CCDC7: variants seen among roughly 807,000 people sequenced by gnomAD.
CCDC7 encodes coiled-coil domain-containing protein 7.
Under a neutral mutation model 196.9 loss-of-function variants are expected in CCDC7, and 183 were observed. That is an observed-to-expected ratio of 0.93 (90% CI 0.82 to 1.05). The LOEUF (loss-of-function observed/expected upper bound fraction) is 1.05. CCDC7 is among the 50% of genes least tolerant of loss of function. The pLI is 0.00. For missense variants in CCDC7, 1,540 were observed against 1,482.2 expected (o/e 1.04, Z -0.64); for synonymous variants, 525 against 484.6 (o/e 1.08, Z -1.10).
At chr10:32,622,767 C>T (rs528524469) in intron 18 of CCDC7, among the ~76,000 whole-genome samples, 1 of 152,152 alleles carries the variant, frequency 6.6e-6, no homozygotes, top group South Asian at 2.1e-4. Flanking sequence ...GGGAAAAACA[C>T]CTCCAGTTGA....
chr10:32,840,686 G>A (rs1301653529), intron 33 of CCDC7, among the ~76,000 whole-genome samples: 3 of 151,646 alleles, frequency 2.0e-5, no homozygotes, highest in South Asian at 4.2e-4. Context: ...CAAAACCAGG[G>A]AAGGACATAA....
rs553870034 is a variant in CCDC7, at chr10:32,796,146, A to G, written c.3014-8869A>G. 2.1e-4 allele frequency among the ~76,000 whole-genome samples: 32 copies of G among 151,692 alleles called. No individual in the cohort carries two copies. In the South Asian group the frequency reaches 4.0e-3, roughly 19 times the overall value. The stretch of plus-strand genomic sequence containing the variant: ...CTTCCCAGGGATTGAGGCAGGGACA[A>G]GTCGCTGTCTGCTTTGAGTTTTTGT... On this transcript the variant is annotated intron_variant, in intron 29 of 41. Coordinates refer to ENST00000639629, the Ensembl canonical transcript of CCDC7.
At chr10:32,539,920 A>G (rs950339927) in intron 11 of CCDC7, among the ~76,000 whole-genome samples, 9 of 151,924 alleles carry the variant, frequency 5.9e-5, no homozygotes, top group Non-Finnish European at 1.3e-4. Context: ...GCTAAGGATT[A>G]TTTTATTGCC....
intron 20 of CCDC7, among the ~76,000 whole-genome samples, chr10:32,648,167 A>G (rs943330583): frequency 1.3e-5 from 2 of 152,080 alleles, no homozygotes; most frequent in Admixed American, 6.5e-5. Context: ...TGAGTTTTCT[A>G]TTCTATTTTA....
intron 25 of CCDC7, among the ~76,000 whole-genome samples, chr10:32,717,400 A>G (rs1487160670): frequency 1.3e-5 from 2 of 152,330 alleles, no homozygotes; most frequent in East Asian, 3.9e-4. Context: ...AGATAAATTT[A>G]TAGCACTAAA....
intron 24 of CCDC7, among the ~76,000 whole-genome samples, chr10:32,700,275 C>G (rs1051097033): frequency 6.7e-6 from 1 of 149,480 alleles, no homozygotes; most frequent in East Asian, 1.9e-4. Context: ...CTCCATATGG[C>G]TAGCCAGTTT....
At chr10:32,591,347 T>C (rs2059764654) in intron 18 of CCDC7, among the ~76,000 whole-genome samples, 1 of 152,084 alleles carries the variant, frequency 6.6e-6, no homozygotes, top group Non-Finnish European at 1.5e-5. Context: ...AGCATGTTTA[T>C]TGCATTTTTC....
intron 24 of CCDC7, among the ~76,000 whole-genome samples, chr10:32,711,322 A>G (rs2080804751): frequency 6.6e-6 from 1 of 152,126 alleles, no homozygotes; most frequent in South Asian, 2.1e-4. Context: ...GAACATATGC[A>G]TTTTCATTGT....
chr10:32,602,341 ACACT>A (rs2061139133), intron 18 of CCDC7, among the ~76,000 whole-genome samples: 1 of 152,208 alleles, frequency 6.6e-6, no homozygotes, highest in South Asian at 2.1e-4. Context: ...AAGAGCTGTA[ACACT>A]CACTGCGAGG....
At chr10:32,850,200 A>T (rs1281606976) in intron 39 of CCDC7, among the ~76,000 whole-genome samples, 1 of 152,174 alleles carries the variant, frequency 6.6e-6, no homozygotes, top group Non-Finnish European at 1.5e-5. Context: ...TCCTCTATCT[A>T]GCCTATCTTG....
At chr10:32,532,559 T>A (rs1434334829) in intron 11 of CCDC7, among the ~76,000 whole-genome samples, 1 of 152,140 alleles carries the variant, frequency 6.6e-6, no homozygotes, top group East Asian at 1.9e-4. Context: ...TTACATTTTG[T>A]GTGTTGTTTA....
chr10:32,689,654 C>A (rs1414175247), intron 23 of CCDC7, among the ~76,000 whole-genome samples: 3 of 152,104 alleles, frequency 2.0e-5, no homozygotes, highest in African/African-American at 7.2e-5. Context: ...TCTGGTAACC[C>A]CATAGATGAA....
intron 41 of CCDC7, among the ~76,000 whole-genome samples, chr10:32,869,148 A>C (rs1285634523): frequency 6.6e-6 from 1 of 152,046 alleles, no homozygotes; most frequent in African/African-American, 2.4e-5. Flanking sequence ...TGCCACACTG[A>C]CTTCCACAAT....
chr10:32,817,327 T>C (rs2088931674), intron 31 of CCDC7, among the ~76,000 whole-genome samples: 1 of 152,160 alleles, frequency 6.6e-6, no homozygotes. Flanking sequence ...TCAAGAAATA[T>C]GGGACTACAT....
At chr10:32,807,494 A>G (rs1030552292) in intron 30 of CCDC7, among the ~76,000 whole-genome samples, 1 of 152,132 alleles carries the variant, frequency 6.6e-6, no homozygotes, top group African/African-American at 2.4e-5. Context: ...ATTGATAATC[A>G]TATTTCAAAT....
intron 8 of CCDC7, 82 bp from the exon 10 acceptor site, chr10:32,491,840 T>C: frequency 7.6e-7 from 1 of 1,318,478 alleles, no homozygotes; most frequent in Non-Finnish European, 1.0e-6. Context: ...AGCTTTCACA[T>C]CTATAGCAGT....
chr10:32,511,369 T>C (rs2135358984), intron 9 of CCDC7: 1 of 1,608,832 alleles, frequency 6.2e-7, no homozygotes, highest in Non-Finnish European at 8.5e-7. Context: ...TCGGTTTTGG[T>C]TCCCAGAGGG....
At chr10:32,811,976 C>A (rs1455732741) in intron 30 of CCDC7, among the ~76,000 whole-genome samples, 1 of 151,980 alleles carries the variant, frequency 6.6e-6, no homozygotes, top group Non-Finnish European at 1.5e-5. Flanking sequence ...ATAATCACCT[C>A]AGTAGATGCA....
At chr10:32,719,898 G>A (rs748694497) in intron 25 of CCDC7, among the ~76,000 whole-genome samples, 1 of 152,180 alleles carries the variant, frequency 6.6e-6, no homozygotes, top group Non-Finnish European at 1.5e-5. Context: ...TGGAGAAATA[G>A]GAATGGTTTT....
Sources: allele counts gnomAD v4.1 joint callset (sites outside exome capture counted in the v4.1 genomes callset), GRCh38; gene constraint gnomAD v4.1.1; transcripts MANE v1.5; gene names NCBI Gene and HGNC (gene_info 2026-07-23, HGNC 2026-07-21).